EXOC4: variants seen among roughly 807,000 people sequenced by gnomAD.
The protein encoded by EXOC4 is SEC8-like 1.
In EXOC4, 71 loss-of-function variants were observed where a neutral mutation model predicts 107.2. The observed-to-expected ratio is 0.66, with a 90% CI of 0.55 to 0.81. The LOEUF is 0.81. EXOC4 is among the 30% of genes least tolerant of loss of function. EXOC4 has a pLI of 0.00. For missense variants in EXOC4, 1,108 were observed against 1,189.6 expected, an observed-to-expected ratio of 0.93 and a Z score of 1.01; for synonymous variants, 456 against 441.2, an observed-to-expected ratio of 1.03 and a Z score of -0.42.
chr7:133,830,823 A>G (rs1375173690), intron 11 of EXOC4, among the ~76,000 whole-genome samples: 1 of 152,116 alleles, frequency 6.6e-6, no homozygotes, highest in Non-Finnish European at 1.5e-5. Context: ...TTTTGCGTAT[A>G]TGTGTGTGTG....
chr7:133,384,811 A>ATT (rs68047320), intron 7 of EXOC4, among the ~76,000 whole-genome samples: 23 of 132,696 alleles, frequency 1.7e-4, no homozygotes, highest in Admixed American at 2.3e-4. Context: ...AGTTCTTCTG[A>ATT]TTTTTTTTTT....
intron 11 of EXOC4, among the ~76,000 whole-genome samples, chr7:133,868,121 C>T (rs1004437325): frequency 5.9e-5 from 9 of 152,110 alleles, no homozygotes; most frequent in African/African-American, 1.7e-4. Flanking sequence ...CAAATATTAA[C>T]GAAAGGAGTT....
intron 9 of EXOC4, among the ~76,000 whole-genome samples, chr7:133,554,282 C>G (rs1172195451): frequency 6.6e-6 from 1 of 152,070 alleles, no homozygotes; most frequent in African/African-American, 2.4e-5. Flanking sequence ...AGAAATCATT[C>G]TTAATATTAT....
rs567784661 is a variant in EXOC4, at chr7:134,036,600, A to AG, written c.2688-27690dup. On this transcript the variant is annotated intron_variant, in intron 17 of 17. Coordinates refer to ENST00000253861, the MANE Select transcript of EXOC4 (RefSeq NM_021807.4). ...AGGACCCTGTCTCAAAAGAAAAAAA[A>AG]GAGAGAGAATTCTCAGAACTGCTGA... Among the ~76,000 whole-genome samples, 20 of 152,274 alleles carry AG rather than the reference A, an allele frequency of 1.3e-4. 1 individual carries two copies. In the East Asian group the frequency reaches 3.7e-3, roughly 28 times the overall value.
chr7:133,959,410 T>G (rs1800889729), intron 14 of EXOC4, among the ~76,000 whole-genome samples: 1 of 150,478 alleles, frequency 6.6e-6, no homozygotes, highest in Non-Finnish European at 1.5e-5. Context: ...AATAAAAATC[T>G]CAGAAGATAG....
chr7:134,025,074 T>G (rs564927441), intron 17 of EXOC4, among the ~76,000 whole-genome samples: 1 of 152,318 alleles, frequency 6.6e-6, no homozygotes, highest in East Asian at 1.9e-4. Flanking sequence ...CCTTCCTGGC[T>G]CATCTTGGAG....
rs545713157 is a variant in EXOC4 at position 133,871,270 on chromosome 7, G to A, written c.1735-24329G>A. Among the ~76,000 whole-genome samples, 25 of 151,958 alleles carry A rather than the reference G, an allele frequency of 1.6e-4. 3 individuals are homozygous for A. In the South Asian group the frequency reaches 5.2e-3, roughly 32 times the overall value. On this transcript the variant is annotated intron_variant, in intron 11 of 17. Coordinates refer to ENST00000253861, the MANE Select transcript of EXOC4 (RefSeq NM_021807.4). ...CATTTTTAAGTTCAGTGACATCTCG[G>A]TGGTAGCTTGAAACCAGCCACACAA...
At chr7:133,933,145 A>G (rs995055934) in intron 13 of EXOC4, among the ~76,000 whole-genome samples, 1 of 152,174 alleles carries the variant, frequency 6.6e-6, no homozygotes, top group African/African-American at 2.4e-5. Flanking sequence ...AAATTTCCTT[A>G]AATGAATTCT....
At chr7:133,325,605 T>C (rs1228676830) in intron 5 of EXOC4, among the ~76,000 whole-genome samples, 1 of 152,226 alleles carries the variant, frequency 6.6e-6, no homozygotes, top group Non-Finnish European at 1.5e-5. Context: ...GGCTTCCCTT[T>C]GTGGGTAACC....
rs574711821 is a variant in EXOC4 at position 133,412,591 on chromosome 7, T to C, written c.1182+37589T>C. ...CTGTGGTCCCAATTATGCTGGAGACTGAGGCAGGAGAATTGCTTGAGTCTA... is the reference window on the plus strand; with the variant it reads ...CTGTGGTCCCAATTATGCTGGAGACCGAGGCAGGAGAATTGCTTGAGTCTA... On this transcript the variant is annotated intron_variant, in intron 7 of 17. Coordinates refer to ENST00000253861, the MANE Select transcript of EXOC4 (RefSeq NM_021807.4). 1.4e-3 allele frequency among the ~76,000 whole-genome samples: 207 copies of C among 152,048 alleles called. 2 individuals are homozygous for C. Among genetic ancestry groups the C allele is most frequent in the African/African-American group, 4.8e-3 (199 of 41,514 alleles).
At chr7:134,049,610 C>A (rs1795733912) in intron 17 of EXOC4, among the ~76,000 whole-genome samples, 1 of 152,210 alleles carries the variant, frequency 6.6e-6, no homozygotes, top group Admixed American at 6.5e-5. Context: ...TACAGCCCTT[C>A]CTGCCTGTGA....
chr7:133,794,744 G>T (rs1006461264), intron 10 of EXOC4, among the ~76,000 whole-genome samples: 12 of 151,608 alleles, frequency 7.9e-5, no homozygotes, highest in African/African-American at 2.9e-4. Context: ...CAGAACTCTT[G>T]CCCTATTGAG....
intron 11 of EXOC4, among the ~76,000 whole-genome samples, chr7:133,838,340 G>C (rs865997642): frequency 2.0e-5 from 3 of 152,106 alleles, no homozygotes; most frequent in African/African-American, 7.2e-5. Context: ...GTCTCTAGGG[G>C]TATAAATTGA....
chr7:133,744,747 A>G (rs1304982225), intron 10 of EXOC4, among the ~76,000 whole-genome samples: 2 of 152,142 alleles, frequency 1.3e-5, no homozygotes, highest in Non-Finnish European at 2.9e-5. Context: ...ACCTTTGCTG[A>G]TTGGTGACTT....
At chr7:133,990,820 A>G (rs1018323241) in intron 14 of EXOC4, among the ~76,000 whole-genome samples, 1 of 152,088 alleles carries the variant, frequency 6.6e-6, no homozygotes, top group Non-Finnish European at 1.5e-5. Flanking sequence ...TTCTTCCACC[A>G]TTCATGAATT....
At chr7:133,820,980 G>C (rs116914649) in intron 11 of EXOC4, among the ~76,000 whole-genome samples, 4 of 152,292 alleles carry the variant, frequency 2.6e-5, no homozygotes, top group Non-Finnish European at 4.4e-5. Context: ...TTCCATAGGA[G>C]GGAAGGAAGG....
chr7:133,626,340 C>T (rs1464562117), intron 9 of EXOC4, among the ~76,000 whole-genome samples: 2 of 152,144 alleles, frequency 1.3e-5, no homozygotes, highest in African/African-American at 2.4e-5. Context: ...GGACTCAGAC[C>T]TTATGATTTT....
At chr7:134,050,479 A>G (rs1795758459) in intron 17 of EXOC4, among the ~76,000 whole-genome samples, 1 of 121,784 alleles carries the variant, frequency 8.2e-6, no homozygotes, top group South Asian at 2.9e-4. Flanking sequence ...CTCAAAAAGA[A>G]TATTAAGAGT....
chr7:133,616,852 C>T (rs1314665843), intron 9 of EXOC4, among the ~76,000 whole-genome samples: 3 of 151,996 alleles, frequency 2.0e-5, no homozygotes, highest in African/African-American at 7.2e-5. Flanking sequence ...CCATTTTATG[C>T]AGTATCAGAA....
Sources: allele counts gnomAD v4.1 joint callset (sites outside exome capture counted in the v4.1 genomes callset), GRCh38; gene constraint gnomAD v4.1.1; transcripts MANE v1.5; gene names NCBI Gene and HGNC (gene_info 2026-07-23, HGNC 2026-07-21).